CBLC: variants seen among roughly 807,000 people sequenced by gnomAD.
The protein encoded by CBLC is Cbl proto-oncogene C.
Under a neutral mutation model 58.6 loss-of-function variants are expected in CBLC, and 46 were observed. The ratio of observed to expected loss-of-function variants is 0.79; its 90% CI spans 0.62 to 1.00. CBLC has a LOEUF of 1.00. CBLC is among the 50% of genes least tolerant of loss of function. CBLC has a pLI of 0.00. For synonymous variants in CBLC, 271 were observed against 264.2 expected, an observed-to-expected ratio of 1.03 and a Z score of -0.25; for missense variants, 655 against 625.8, an observed-to-expected ratio of 1.05 and a Z score of -0.50.
At chr19:44,793,830 G>GA (rs1968118245) in intron 8 of CBLC, among the ~76,000 whole-genome samples, 6 of 135,656 alleles carry the variant, frequency 4.4e-5, no homozygotes, top group African/African-American at 2.1e-4. Context: ...GGGGCTAGGG[G>GA]CCTGGACTCC....
intron 5 of CBLC, among the ~76,000 whole-genome samples, chr19:44,788,059 A>C (rs1367075761): frequency 6.6e-6 from 1 of 151,936 alleles, no homozygotes; most frequent in African/African-American, 2.4e-5. Context: ...GGCCTCCCAA[A>C]GTGCTGGGGT....
chr19:44,798,547 C>T (rs1013312707), intron 9 of CBLC, among the ~76,000 whole-genome samples: 3 of 152,080 alleles, frequency 2.0e-5, no homozygotes, highest in Non-Finnish European at 2.9e-5. Flanking sequence ...AACCCCGTCT[C>T]TACTAAAAAA....
chr19:44,797,574 C>CTTTCTTTTT (rs1555781479), intron 9 of CBLC, among the ~76,000 whole-genome samples: 1 of 133,214 alleles, frequency 7.5e-6, no homozygotes, highest in African/African-American at 2.8e-5. Context: ...CCTGGCATTG[C>CTTTCTTTTT]TTTTTTTTTT....
chr19:44,781,970 G>A (rs1388747530), intron 3 of CBLC, among the ~76,000 whole-genome samples: 1 of 138,620 alleles, frequency 7.2e-6, no homozygotes, highest in Non-Finnish European at 1.6e-5. Flanking sequence ...AGGAGGGGCT[G>A]GGGCCTGGAC....
At position 44,781,180 on chromosome 19, in the gene CBLC, T is replaced by C. The variant is rs570439935; in HGVS notation, c.501-27T>C. ...CATAGGCTCTGGGAGGCCTCAGCGG[T>C]GTCTCCCCCACCCCTCTCCCACCCA... On this transcript the variant is annotated intron_variant, in intron 2 of 10. Coordinates refer to ENST00000647358, the MANE Select transcript of CBLC (RefSeq NM_012116.4). 1.3e-5 allele frequency: 21 copies of C among 1,594,814 alleles called. No homozygotes were observed. The South Asian group carries it at 2.4e-4, about 18-fold the overall frequency.
At position 44,792,985 on chromosome 19, in the gene CBLC, A is replaced by T. The variant is rs181617799; in HGVS notation, c.1137+471A>T. 3.2e-4 allele frequency among the ~76,000 whole-genome samples: 48 copies of T among 148,436 alleles called. No homozygotes were observed. In the East Asian group the frequency reaches 7.3e-3, roughly 22 times the overall value. On this transcript the variant is annotated intron_variant, in intron 7 of 10. Coordinates refer to ENST00000647358, the MANE Select transcript of CBLC (RefSeq NM_012116.4). ...AACATGGTGAAAACCCGTGTCTACT[A>T]AAAAAAAAATACAAAAATTAGACGG...
Position 44,790,002 on chromosome 19 carries a change from A to G in CBLC, c.918-2A>G. The G allele has an allele frequency of 6.2e-7, 1 of 1,609,156 alleles. No homozygotes were observed. The highest frequency in any genetic ancestry group is 8.5e-7 in the Non-Finnish European group (1 of 1,176,106). ...CAGTCCCCCTCTCTTCCCTTCCCCCAGCTACCTCTACCCAGATGGAAAGAC... is the reference window on the plus strand; with the variant it reads ...CAGTCCCCCTCTCTTCCCTTCCCCCGGCTACCTCTACCCAGATGGAAAGAC... On this transcript the variant is annotated splice_acceptor_variant, in intron 5 of 10. Coordinates refer to ENST00000647358, the MANE Select transcript of CBLC (RefSeq NM_012116.4). LOFTEE classifies it high-confidence loss of function.
At chr19:44,799,573 C>G (rs1218279323) in intron 9 of CBLC, among the ~76,000 whole-genome samples, 3 of 152,080 alleles carry the variant, frequency 2.0e-5, no homozygotes, top group African/African-American at 7.2e-5. Context: ...CTCAGGTGAT[C>G]CACCCACCTC....
intron 4 of CBLC, 128 bp from the exon 5 acceptor site, chr19:44,784,136 C>T: frequency 1.2e-6 from 1 of 804,846 alleles, no homozygotes; most frequent in Non-Finnish European, 1.9e-6. Flanking sequence ...ATGCCGTTGC[C>T]TAGAGGATGG....
chr19:44,777,965 T>G lies in CBLC; in HGVS notation c.34T>G (p.Trp12Gly), dbSNP rs773289730. The change falls in exon 1 of 11, where the codon TGG becomes GGG. Residue 12 changes from tryptophan to glycine, a missense_variant. This residue lies in a region of CBLC where 280 missense variants were observed against 237.2 expected (regional missense o/e 1.18). Transcript: ENST00000647358. ...GGCGGTGGCCCCGTGGGGGCGACAG[T>G]GGGAAGAGGCCCGCGCCCTGGGCCG... Reference protein sequence around the residue: ...ALAVAPWGRQWEEARALGRAV... With the variant: ...ALAVAPWGRQGEEARALGRAV... 3 of 1,602,862 alleles carry G rather than the reference T, an allele frequency of 1.9e-6. No individual in the cohort carries two copies. In the East Asian group the frequency reaches 6.7e-5, roughly 36 times the overall value.
chr19:44,794,521 G>A (rs911267423), intron 9 of CBLC, among the ~76,000 whole-genome samples: 2 of 140,434 alleles, frequency 1.4e-5, no homozygotes, highest in East Asian at 2.0e-4. Context: ...CTGGAGTGCA[G>A]TGGCGCAATC....
chr19:44,796,914 G>A (rs577207390), intron 9 of CBLC, among the ~76,000 whole-genome samples: 12 of 152,088 alleles, frequency 7.9e-5, no homozygotes, highest in South Asian at 2.1e-4. Context: ...GGGGCGGTGG[G>A]GGGGAGGGTG....
chr19:44,787,287 A>G (rs1967934189), intron 5 of CBLC, among the ~76,000 whole-genome samples: 1 of 151,838 alleles, frequency 6.6e-6, no homozygotes, highest in Non-Finnish European at 1.5e-5. Flanking sequence ...CCAGCTACTC[A>G]GGAGGCTGAG....
At chr19:44,782,879 C>G (rs925662937) in intron 4 of CBLC, among the ~76,000 whole-genome samples, 8 of 152,070 alleles carry the variant, frequency 5.3e-5, no homozygotes, top group Non-Finnish European at 8.8e-5. Flanking sequence ...ATTATTTCAA[C>G]CAGGAGTTTT....
Position 44,787,270 on chromosome 19 carries a change from TGTAGTCCCA to T in CBLC, c.918-2732_918-2724del, listed in dbSNP as rs540871051. On this transcript the variant is annotated intron_variant, in intron 5 of 10. Coordinates refer to ENST00000647358, the MANE Select transcript of CBLC (RefSeq NM_012116.4). Reference sequence around the variant, plus strand: ...TTAGCTGGGCGCAGTGGCGGGCGTCTGTAGTCCCAGCTACTCAGGAGGCTGAGGCAGGAG... The same window carrying T: ...TTAGCTGGGCGCAGTGGCGGGCGTCTGCTACTCAGGAGGCTGAGGCAGGAG... Among the ~76,000 whole-genome samples the T allele has an allele frequency of 1.5e-3, 234 of 151,944 alleles. 1 individual carries two copies. The highest frequency in any genetic ancestry group is 5.3e-3 in the African/African-American group (221 of 41,476).
intron 10 of CBLC, 32 bp from the exon 11 acceptor site, chr19:44,800,519 C>A: frequency 1.1e-6 from 1 of 949,792 alleles, no homozygotes; most frequent in Non-Finnish European, 1.7e-6. Context: ...TGGAGGTGAC[C>A]TCATCTAACC....
intron 8 of CBLC, among the ~76,000 whole-genome samples, chr19:44,793,905 C>T (rs551783911): frequency 6.6e-6 from 1 of 151,820 alleles, no homozygotes; most frequent in Admixed American, 6.6e-5. Context: ...AATATGGGGG[C>T]CCGGACTCCT....
At chr19:44,797,096 A>AC (rs773145020) in intron 9 of CBLC, among the ~76,000 whole-genome samples, 1 of 151,748 alleles carries the variant, frequency 6.6e-6, no homozygotes, top group Non-Finnish European at 1.5e-5. Context: ...CCTAGGCCAT[A>AC]CCCTCCGCCT....
chr19:44,783,378 G>A (rs565478714), intron 4 of CBLC, among the ~76,000 whole-genome samples: 7 of 152,168 alleles, frequency 4.6e-5, no homozygotes, highest in East Asian at 1.9e-4. Context: ...GCGTGGTGGC[G>A]TGCACCTGTA....
Sources: gnomAD v4.1 joint callset for allele counts (sites outside exome capture counted in the v4.1 genomes callset) on GRCh38, gnomAD v4.1.1 for gene constraint, gnomAD v4.1.1 regional missense constraint, MANE v1.5 for transcripts, NCBI Gene and HGNC (gene_info 2026-07-23, HGNC 2026-07-21) for gene names.